Variants in NXPE4 observed in about 807,000 individuals in gnomAD.
NXPE4 encodes neurexophilin and PC-esterase domain family member 4, also known as NXPE family member 4.
In NXPE4, 42 loss-of-function variants were observed where a neutral mutation model predicts 33.3. That is an observed-to-expected ratio of 1.26 (90% CI 0.98 to 1.63). NXPE4 has a LOEUF of 1.63. Ranked by LOEUF, NXPE4 falls within the 40% of genes most tolerant of loss-of-function variation. NXPE4 has a pLI of 0.00. For missense variants in NXPE4, 709 were observed against 647.6 expected (o/e 1.09, Z -1.03); for synonymous variants, 253 against 234.9 (o/e 1.08, Z -0.71).
At chr11:114,583,311 G>A in intron 2 of NXPE4, 1 of 629,868 alleles carries the variant, frequency 1.6e-6, no homozygotes, top group South Asian at 1.6e-5. Context: ...AGGGGTGTTG[G>A]AAATTACTAT....
intron 2 of NXPE4, among the ~76,000 whole-genome samples, chr11:114,587,472 A>G (rs1949332405): frequency 6.6e-6 from 1 of 152,250 alleles, no homozygotes; most frequent in Admixed American, 6.5e-5. Flanking sequence ...CTCAAGATCC[A>G]TCTATTGGAG....
In NXPE4 at chr11:114,594,290, A is replaced by G. The variant is rs577951072; in HGVS notation, c.96+374T>C. 2.0e-5 allele frequency among the ~76,000 whole-genome samples: 3 copies of G among 152,310 alleles called. No homozygotes were observed. The South Asian group carries it at 6.2e-4, about 32-fold the overall frequency. On this transcript the variant is annotated intron_variant, in intron 2 of 5. Transcript: ENST00000375478. Reference sequence around the variant, plus strand: ...ATGCTTGTATCAAAATATCTCATCTACCCCATAAATACATACACCTACTTT... The same window carrying G: ...ATGCTTGTATCAAAATATCTCATCTGCCCCATAAATACATACACCTACTTT...
the NXPE4 span, among the ~76,000 whole-genome samples, chr11:114,649,520 G>A: frequency 6.6e-6 from 1 of 152,198 alleles, no homozygotes. Context: ...GATTGAAATT[G>A]CCAGAAAAGG....
intron 2 of NXPE4, among the ~76,000 whole-genome samples, chr11:114,593,613 G>A (rs1949513124): frequency 6.6e-6 from 1 of 152,046 alleles, no homozygotes; most frequent in South Asian, 2.1e-4. Flanking sequence ...AGAACAGTTT[G>A]GAGGTTTCTC....
At chr11:114,650,725 C>G in the NXPE4 span, among the ~76,000 whole-genome samples, 1 of 152,122 alleles carries the variant, frequency 6.6e-6, no homozygotes, top group South Asian at 2.1e-4. Flanking sequence ...CCACCCAAGA[C>G]CAACCATGGA....
chr11:114,607,335 C>G, the NXPE4 span, among the ~76,000 whole-genome samples: 4 of 122,864 alleles, frequency 3.3e-5, no homozygotes, highest in South Asian at 2.7e-4. Context: ...CCCGTTGATA[C>G]TAAGTATTGC....
chr11:114,586,187 A>G (rs1310376083), intron 2 of NXPE4, among the ~76,000 whole-genome samples: 3 of 152,154 alleles, frequency 2.0e-5, no homozygotes, highest in Non-Finnish European at 4.4e-5. Context: ...ACCCACTTAA[A>G]TCCCCTGTCT....
At chr11:114,661,563 G>T in the NXPE4 span, among the ~76,000 whole-genome samples, 18 of 152,174 alleles carry the variant, frequency 1.2e-4, no homozygotes, top group Non-Finnish European at 2.4e-4. Flanking sequence ...TACCATTTGG[G>T]TTGCTAAGTA....
chr11:114,582,210 C>T, intron 3 of NXPE4, 78 bp downstream of exon 3: 2 of 1,455,892 alleles, frequency 1.4e-6, no homozygotes, highest in Non-Finnish European at 1.8e-6. Flanking sequence ...AATACACTCA[C>T]AAGACTTTTC....
the NXPE4 span, among the ~76,000 whole-genome samples, chr11:114,623,295 G>A: frequency 6.6e-6 from 1 of 152,074 alleles, no homozygotes; most frequent in Non-Finnish European, 1.5e-5. Flanking sequence ...TTACCCAGTG[G>A]ATAACAATTA....
intron 5 of NXPE4, among the ~76,000 whole-genome samples, chr11:114,575,683 G>A (rs73557415): frequency 0.022 from 3,391 of 152,062 alleles, 129 homozygotes; most frequent in African/African-American, 0.077. Context: ...ACAAAACACC[G>A]CCCAAAGAAA....
the NXPE4 span, among the ~76,000 whole-genome samples, chr11:114,625,555 G>T: frequency 1.3e-5 from 2 of 151,364 alleles, no homozygotes; most frequent in Non-Finnish European, 2.9e-5. Flanking sequence ...ACTGTTACCC[G>T]GTGGATAATA....
In NXPE4 at chr11:114,580,352, A is replaced by G; in HGVS notation, c.893-14T>C. The G allele has an allele frequency of 6.2e-7, 1 of 1,610,286 alleles. No individual in the cohort carries two copies. Among genetic ancestry groups the G allele is most frequent in the Non-Finnish European group, 8.5e-7 (1 of 1,176,872 alleles). On this transcript the variant is annotated splice_polypyrimidine_tract_variant and intron_variant, in intron 4 of 5. Coordinates refer to ENST00000375478, the MANE Select transcript of NXPE4 (RefSeq NM_001077639.2). ...CAACTGTTTCTTCTGCCAAAGAATC[A>G]ATGAGATAGGATCTTCCAAAACATC...
the NXPE4 span, among the ~76,000 whole-genome samples, chr11:114,609,629 G>C: frequency 2.6e-5 from 4 of 151,290 alleles, no homozygotes; most frequent in African/African-American, 9.7e-5. Flanking sequence ...CTTACCCGAT[G>C]GATAATAAGT....
At chr11:114,673,386 C>G in the NXPE4 span, among the ~76,000 whole-genome samples, 1 of 151,274 alleles carries the variant, frequency 6.6e-6, no homozygotes, top group African/African-American at 2.4e-5. Context: ...AGAAAGATCT[C>G]AAATCAATAA....
chr11:114,582,655 C>A lies in NXPE4; in HGVS notation c.463G>T (p.Val155Leu). 6.2e-7 allele frequency: 1 copy of A among 1,614,196 alleles called. No homozygotes were observed. Among genetic ancestry groups the A allele is most frequent in the South Asian group, 1.1e-5 (1 of 91,084 alleles). Residue 155 changes from valine (V) to leucine (L), a missense_variant, in exon 3 of 6, where the codon GTG becomes TTG. Transcript: ENST00000375478. The stretch of plus-strand genomic sequence containing the variant: ...TAGGTGCCGTTGTTGAAGTCAGTCA[C>A]CTTTCCTGAAGCACCTGCCATCAGC... Reference protein sequence around the residue: ...PALMAGASGKVTDFNNGTYLV... With the variant: ...PALMAGASGKLTDFNNGTYLV...
the NXPE4 span, among the ~76,000 whole-genome samples, chr11:114,627,224 C>T: frequency 6.6e-6 from 1 of 152,040 alleles, no homozygotes; most frequent in East Asian, 1.9e-4. Flanking sequence ...TTGTCAGATT[C>T]ACCAAAGTTG....
chr11:114,638,751 T>C, the NXPE4 span, among the ~76,000 whole-genome samples: 1 of 152,014 alleles, frequency 6.6e-6, no homozygotes, highest in Non-Finnish European at 1.5e-5. Context: ...TTTGCCTGGG[T>C]AACAGCAGCA....
At chr11:114,597,460 T>C (rs1304782640), upstream of NXPE4, among the ~76,000 whole-genome samples, 1 of 152,168 alleles carries the variant, frequency 6.6e-6, no homozygotes, top group Non-Finnish European at 1.5e-5. Flanking sequence ...CCTTGTGATA[T>C]TCAGTTGGAA....
Sources: allele counts gnomAD v4.1 joint callset (sites outside exome capture counted in the v4.1 genomes callset), GRCh38; gene constraint gnomAD v4.1.1; transcripts MANE v1.5; gene names NCBI Gene and HGNC (gene_info 2026-07-23, HGNC 2026-07-21).